PLXNA4: variants seen among roughly 807,000 people sequenced by gnomAD.
The protein encoded by PLXNA4 is plexin A4.
In PLXNA4, 44 loss-of-function variants were observed where a neutral mutation model predicts 191.8. The ratio of observed to expected loss-of-function variants is 0.23; its 90% CI spans 0.18 to 0.29. The LOEUF is 0.29. Ranked by LOEUF, PLXNA4 falls within the 10% of genes least tolerant of loss-of-function variation. The probability of loss-of-function intolerance (pLI) is 1.00; values close to 1 mark genes in which losing one functional copy is unlikely to be tolerated. For missense variants in PLXNA4, 1,800 were observed against 2,488.8 expected (o/e 0.72, Z 5.89); for synonymous variants, 1,082 against 1,009.5 (o/e 1.07, Z -1.36).
At chr7:132,294,880 G>T (rs1404409588) in intron 4 of PLXNA4, among the ~76,000 whole-genome samples, 3 of 152,196 alleles carry the variant, frequency 2.0e-5, no homozygotes, top group Admixed American at 6.5e-5. Context: ...CAGTGAGAAG[G>T]TGGCCATCTG....
chr7:132,541,815 G>T (rs1237672259), intron 1 of PLXNA4, among the ~76,000 whole-genome samples: 1 of 152,232 alleles, frequency 6.6e-6, no homozygotes, highest in Admixed American at 6.5e-5. Context: ...TTCCATTGGT[G>T]CATCTGCTCA....
intron 5 of PLXNA4, among the ~76,000 whole-genome samples, chr7:132,231,365 T>C (rs767448255): frequency 6.6e-6 from 1 of 152,238 alleles, no homozygotes; most frequent in Non-Finnish European, 1.5e-5. Context: ...CTCTCCAAAC[T>C]GTAGCTGATG....
At chr7:132,433,969 T>G (rs997296416) in intron 3 of PLXNA4, among the ~76,000 whole-genome samples, 61 of 152,308 alleles carry the variant, frequency 4.0e-4, no homozygotes, top group African/African-American at 1.4e-3. Context: ...TAGAGATGGA[T>G]GAACCAGTGT....
rs552199039 is a variant in PLXNA4 at position 132,429,062 on chromosome 7, C to T, written c.1371+60230G>A. Among the ~76,000 whole-genome samples the T allele has an allele frequency of 2.4e-4, 36 of 152,230 alleles. No individual in the cohort carries two copies. The South Asian group carries it at 6.8e-3, about 29-fold the overall frequency. On this transcript the variant is annotated intron_variant, in intron 3 of 31. Coordinates refer to ENST00000321063, the MANE Select transcript of PLXNA4 (RefSeq NM_020911.2). ...GCCTCAAAGGACGGCTCAGAAAGTC[C>T]TCATGCAATGCAGACCTCTCTGTGG...
intron 2 of PLXNA4, among the ~76,000 whole-genome samples, chr7:132,632,777 C>T (rs10256188): frequency 0.34 from 52,259 of 152,008 alleles, 9,762 homozygotes; most frequent in Non-Finnish European, 0.42. Context: ...AAAGCAGAAA[C>T]TTAAAGGGAA....
At chr7:132,213,353 G>A (rs1797863707) in intron 9 of PLXNA4, among the ~76,000 whole-genome samples, 1 of 152,174 alleles carries the variant, frequency 6.6e-6, no homozygotes, top group Admixed American at 6.5e-5. Context: ...CCTTAAAACC[G>A]GTTCAGATGG....
intron 3 of PLXNA4, among the ~76,000 whole-genome samples, chr7:132,477,357 C>T (rs1797171034): frequency 6.6e-6 from 1 of 152,184 alleles, no homozygotes; most frequent in Non-Finnish European, 1.5e-5. Flanking sequence ...CAAGCAGTAG[C>T]TTTAACAACC....
chr7:132,204,408 G>A (rs890190410), intron 10 of PLXNA4, among the ~76,000 whole-genome samples: 2 of 152,192 alleles, frequency 1.3e-5, no homozygotes, highest in East Asian at 1.9e-4. Context: ...TATTCCAGCC[G>A]ACTCTGCTCG....
intron 2 of PLXNA4, among the ~76,000 whole-genome samples, chr7:132,593,839 A>G (rs1257555903): frequency 6.6e-6 from 1 of 152,224 alleles, no homozygotes; most frequent in Non-Finnish European, 1.5e-5. Flanking sequence ...TCACAAAAAG[A>G]GGTTGAATGA....
intron 13 of PLXNA4, among the ~76,000 whole-genome samples, chr7:132,194,612 G>T (rs1046344737): frequency 6.6e-6 from 1 of 152,184 alleles, no homozygotes; most frequent in Non-Finnish European, 1.5e-5. Context: ...CCCCACCTGG[G>T]AGCTTTCTGC....
chr7:132,422,527 T>C (rs1258694224), intron 3 of PLXNA4, among the ~76,000 whole-genome samples: 2 of 152,198 alleles, frequency 1.3e-5, no homozygotes, highest in Non-Finnish European at 2.9e-5. Flanking sequence ...GCCATGCTAA[T>C]AGGGGCCATC....
chr7:132,280,896 G>A (rs931411496), intron 4 of PLXNA4, among the ~76,000 whole-genome samples: 1 of 152,024 alleles, frequency 6.6e-6, no homozygotes, highest in African/African-American at 2.4e-5. Context: ...AAAGTTCTTT[G>A]AGCATGCACC....
chr7:132,128,892 C>G lies in PLXNA4; in HGVS notation c.*1587G>C, dbSNP rs1408735654. On this transcript the variant is annotated 3_prime_UTR_variant, in exon 32 of 32. Coordinates refer to ENST00000321063, the MANE Select transcript of PLXNA4 (RefSeq NM_020911.2). ...CAGAGCAGAGGTGCCAACAGAGACT[C>G]CTGCTTAGGATGGGAGACTGCACCA... The G allele has an allele frequency of 1.3e-5, 2 of 152,218 alleles. No homozygotes were observed. The highest frequency in any genetic ancestry group is 3.9e-4 in the East Asian group (2 of 5,188). The allele number at this position is 152,218 out of a possible 1,614,324, so 9.4% of individuals were successfully genotyped here.
chr7:132,300,378 C>G (rs1801258955), intron 3 of PLXNA4, among the ~76,000 whole-genome samples: 1 of 152,108 alleles, frequency 6.6e-6, no homozygotes, highest in African/African-American at 2.4e-5. Flanking sequence ...CTGAGACTTT[C>G]TCTAGTCATT....
chr7:132,479,938 A>C (rs533848107), intron 3 of PLXNA4, among the ~76,000 whole-genome samples: 2 of 152,274 alleles, frequency 1.3e-5, no homozygotes, highest in East Asian at 3.9e-4. Context: ...GATTACAGGC[A>C]TGAGCCACTG....
intron 1 of PLXNA4, among the ~76,000 whole-genome samples, chr7:132,565,775 T>A (rs931923997): frequency 6.6e-6 from 1 of 151,696 alleles, no homozygotes; most frequent in African/African-American, 2.4e-5. Context: ...GAAAAAAAAA[T>A]GAAAGCCAAT....
chr7:132,524,347 A>G (rs1563151179), intron 1 of PLXNA4, among the ~76,000 whole-genome samples: 1 of 152,244 alleles, frequency 6.6e-6, no homozygotes, highest in Non-Finnish European at 1.5e-5. Flanking sequence ...TATGCAGTAC[A>G]GGCTACTTTA....
intron 3 of PLXNA4, among the ~76,000 whole-genome samples, chr7:132,434,087 T>C (rs547248013): frequency 6.6e-6 from 1 of 152,348 alleles, no homozygotes; most frequent in East Asian, 1.9e-4. Context: ...TGCGCAGCCT[T>C]GCCTGACTCC....
chr7:132,176,880 A>T (rs983648097), intron 20 of PLXNA4, among the ~76,000 whole-genome samples: 2 of 151,468 alleles, frequency 1.3e-5, no homozygotes, highest in African/African-American at 4.9e-5. Context: ...GTGTGAGTGC[A>T]TGCGTCTATG....
Sources: gnomAD v4.1 joint callset for allele counts (sites outside exome capture counted in the v4.1 genomes callset) on GRCh38, gnomAD v4.1.1 for gene constraint, MANE v1.5 for transcripts, NCBI Gene and HGNC (gene_info 2026-07-23, HGNC 2026-07-21) for gene names.